The following GPC6 variants were observed in gnomAD, a reference collection of about 807,000 sequenced individuals.
GPC6 encodes the protein glypican-6.
A neutral mutation model predicts 55.2 loss-of-function variants in GPC6; 14 were observed. The observed-to-expected ratio is 0.25, with a 90% CI of 0.17 to 0.40. The LOEUF (loss-of-function observed/expected upper bound fraction) is 0.40. Ranked by LOEUF, GPC6 falls within the 10% of genes least tolerant of loss-of-function variation. The pLI, the probability that GPC6 is intolerant of heterozygous loss-of-function variation, is 1.00. For missense variants in GPC6, 641 were observed against 708.5 expected (o/e 0.90, Z 1.08); for synonymous variants, 278 against 259.6 (o/e 1.07, Z -0.68).
chr13:94,321,882 T>G (rs1876846010), intron 6 of GPC6, among the ~76,000 whole-genome samples: 1 of 152,180 alleles, frequency 6.6e-6, no homozygotes, highest in African/African-American at 2.4e-5. Flanking sequence ...CTGTTGGGCT[T>G]CTTTCATGAA....
At chr13:93,481,969 G>T (rs1212575679) in intron 1 of GPC6, among the ~76,000 whole-genome samples, 6 of 152,086 alleles carry the variant, frequency 3.9e-5, no homozygotes, top group Non-Finnish European at 8.8e-5. Context: ...GATTTTGACA[G>T]AAATTGTATT....
intron 2 of GPC6, among the ~76,000 whole-genome samples, chr13:93,724,923 A>G (rs1334462622): frequency 6.6e-6 from 1 of 152,008 alleles, no homozygotes; most frequent in Non-Finnish European, 1.5e-5. Flanking sequence ...CTCTTGTTGC[A>G]CTCATGGATT....
chr13:93,544,726 T>C (rs549624319), intron 1 of GPC6, among the ~76,000 whole-genome samples: 1 of 152,362 alleles, frequency 6.6e-6, no homozygotes, highest in East Asian at 1.9e-4. Context: ...GAATGTTTTC[T>C]GTCTGACAAG....
At chr13:93,766,951 A>G (rs1166193038) in intron 2 of GPC6, among the ~76,000 whole-genome samples, 1 of 152,148 alleles carries the variant, frequency 6.6e-6, no homozygotes, top group Non-Finnish European at 1.5e-5. Flanking sequence ...ATTAAAAAAC[A>G]AAACACAGTG....
chr13:93,978,926 A>G (rs1482137813), intron 3 of GPC6, among the ~76,000 whole-genome samples: 1 of 152,222 alleles, frequency 6.6e-6, no homozygotes, highest in Non-Finnish European at 1.5e-5. Flanking sequence ...TGCCCTATGA[A>G]TAATGGTGTT....
chr13:93,491,627 T>A (rs990858097), intron 1 of GPC6, among the ~76,000 whole-genome samples: 1 of 144,520 alleles, frequency 6.9e-6, no homozygotes, highest in African/African-American at 2.6e-5. Context: ...ATGCCTAGGT[T>A]TTCTTCTAGG....
chr13:94,271,273 G>A (rs1347035346), intron 4 of GPC6, among the ~76,000 whole-genome samples: 1 of 151,396 alleles, frequency 6.6e-6, no homozygotes, highest in Admixed American at 6.6e-5. Context: ...TTACAGGCAT[G>A]AGCCACCGCA....
intron 2 of GPC6, among the ~76,000 whole-genome samples, chr13:93,606,218 G>A (rs771089850): frequency 4.6e-5 from 7 of 152,126 alleles, no homozygotes; most frequent in Non-Finnish European, 8.8e-5. Flanking sequence ...ATGAGTGCAC[G>A]GACAATGGAC....
rs537116580 is a variant in GPC6 at position 93,912,540 on chromosome 13, G to A, written c.711+81995G>A. On this transcript the variant is annotated intron_variant, in intron 3 of 8. Transcript: ENST00000377047. ...GGGCGGATCACAAGGTCAGGAGATC[G>A]AGACCATCCTGGCTAACACGGTGAA... 1.7e-4 allele frequency among the ~76,000 whole-genome samples: 26 copies of A among 152,110 alleles called. No homozygotes were observed. The East Asian group carries it at 1.7e-3, about 10-fold the overall frequency.
chr13:94,007,659 A>T (rs1882076381), intron 3 of GPC6, among the ~76,000 whole-genome samples: 2 of 152,104 alleles, frequency 1.3e-5, no homozygotes, highest in Admixed American at 6.6e-5. Flanking sequence ...TTAAGTAAAA[A>T]CAATTTCCAT....
chr13:94,298,656 C>T (rs1875478659), intron 5 of GPC6, among the ~76,000 whole-genome samples: 2 of 152,326 alleles, frequency 1.3e-5, no homozygotes, highest in South Asian at 4.1e-4. Context: ...CACTGAGTGG[C>T]TATTATCAAC....
At chr13:93,313,371 T>C (rs896024014) in intron 1 of GPC6, among the ~76,000 whole-genome samples, 1 of 152,186 alleles carries the variant, frequency 6.6e-6, no homozygotes, top group Non-Finnish European at 1.5e-5. Flanking sequence ...TGCTTTTCTT[T>C]TGAAGTAAGG....
intron 6 of GPC6, among the ~76,000 whole-genome samples, chr13:94,349,553 C>A (rs557231004): frequency 2.6e-5 from 4 of 152,328 alleles, no homozygotes; most frequent in Admixed American, 6.5e-5. Context: ...CTATCCTCCA[C>A]TGACTTTTCC....
rs1566559365 is a variant in GPC6 at position 93,833,120 on chromosome 13, AG to A, written c.711+2576del. Among the ~76,000 whole-genome samples the A allele has an allele frequency of 1.8e-5, 2 of 111,414 alleles. 1 individual carries two copies. Among genetic ancestry groups the A allele is most frequent in the African/African-American group, 9.5e-5 (2 of 21,026 alleles). The allele number at this position is 111,414 out of a possible 152,430, so 73.1% of individuals were successfully genotyped here. A position where few individuals can be genotyped will look rare whatever the true frequency, so the allele number is the denominator to read the frequency against. ...ATAGGTAGATGATAGAGAGAGAGAG[AG>A]AGAGAGAGAGAGAGAGAGAGAGAGA... On this transcript the variant is annotated intron_variant, in intron 3 of 8. Coordinates refer to ENST00000377047, the MANE Select transcript of GPC6 (RefSeq NM_005708.5).
chr13:93,781,682 G>C (rs1390178506), intron 2 of GPC6, among the ~76,000 whole-genome samples: 1 of 152,116 alleles, frequency 6.6e-6, no homozygotes, highest in Non-Finnish European at 1.5e-5. Flanking sequence ...GTCTGAGACT[G>C]TCTGAGCCAT....
intron 4 of GPC6, among the ~76,000 whole-genome samples, chr13:94,086,103 T>G (rs1885273196): frequency 6.6e-6 from 1 of 152,218 alleles, no homozygotes; most frequent in East Asian, 1.9e-4. Context: ...AAATAGAACT[T>G]TCTCTGCTTC....
At chr13:93,625,965 T>A (rs1368181097) in intron 2 of GPC6, among the ~76,000 whole-genome samples, 1 of 152,220 alleles carries the variant, frequency 6.6e-6, no homozygotes, top group African/African-American at 2.4e-5. Context: ...AATACTCAAG[T>A]ACAGTCAGTT....
chr13:93,465,561 C>A (rs1344336299), intron 1 of GPC6, among the ~76,000 whole-genome samples: 1 of 152,184 alleles, frequency 6.6e-6, no homozygotes, highest in African/African-American at 2.4e-5. Flanking sequence ...TCTCAACTTT[C>A]ATAGAGATGA....
chr13:94,152,262 T>C lies in GPC6; in HGVS notation c.877+124368T>C, dbSNP rs78724438. Among the ~76,000 whole-genome samples, 14 of 152,302 alleles carry C rather than the reference T, an allele frequency of 9.2e-5. No individual in the cohort carries two copies. In the East Asian group the frequency reaches 2.7e-3, roughly 29 times the overall value. On this transcript the variant is annotated intron_variant, in intron 4 of 8. Coordinates refer to ENST00000377047, the MANE Select transcript of GPC6 (RefSeq NM_005708.5). ...GGGATGGATTTGCTTTAGTTGGATGTCCAAAGTTCTTGACTTACTATAAAG... is the reference window on the plus strand; with the variant it reads ...GGGATGGATTTGCTTTAGTTGGATGCCCAAAGTTCTTGACTTACTATAAAG...
Sources: gnomAD v4.1 joint callset for allele counts (sites outside exome capture counted in the v4.1 genomes callset) on GRCh38, gnomAD v4.1.1 for gene constraint, MANE v1.5 for transcripts, NCBI Gene and HGNC (gene_info 2026-07-23, HGNC 2026-07-21) for gene names.